BMP2K: variants seen among roughly 807,000 people sequenced by gnomAD.
BMP2K encodes BMP-2-inducible protein kinase.
BMP2K carries 74 observed loss-of-function variants against 116.0 expected under a neutral mutation model. The ratio of observed to expected loss-of-function variants is 0.64; its 90% CI spans 0.53 to 0.77. The LOEUF (loss-of-function observed/expected upper bound fraction) is 0.77, where lower values mean the gene tolerates loss of function less well. BMP2K is among the 30% of genes least tolerant of loss of function. The pLI is 0.00. For missense variants in BMP2K, 1,365 were observed against 1,403.6 expected (o/e 0.97, Z 0.44); for synonymous variants, 486 against 502.5 (o/e 0.97, Z 0.44).
chr4:78,862,331 G>C (rs944616530), intron 9 of BMP2K, among the ~76,000 whole-genome samples: 1 of 152,072 alleles, frequency 6.6e-6, no homozygotes, highest in Non-Finnish European at 1.5e-5. Context: ...TGAGAGTGTG[G>C]AGGAGGGGAA....
At chr4:78,806,003 A>AT (rs552816332) in intron 1 of BMP2K, among the ~76,000 whole-genome samples, 46 of 150,614 alleles carry the variant, frequency 3.1e-4, no homozygotes, top group South Asian at 8.5e-4. Flanking sequence ...ATTGCTTTAA[A>AT]TTTTTTTTTT....
intron 15 of BMP2K, among the ~76,000 whole-genome samples, chr4:78,888,750 A>G (rs981438145): frequency 2.0e-5 from 3 of 152,140 alleles, no homozygotes; most frequent in African/African-American, 7.2e-5. Context: ...TACTATGGGT[A>G]TTTATATTAG....
chr4:78,815,421 TTTCTC>T (rs1172919066), intron 1 of BMP2K, among the ~76,000 whole-genome samples: 18 of 152,142 alleles, frequency 1.2e-4, no homozygotes, highest in African/African-American at 4.1e-4. Flanking sequence ...AAAGAGGTAA[TTTCTC>T]TTCAGGAAGA....
chr4:78,852,362 T>C (rs1364804676), intron 7 of BMP2K, among the ~76,000 whole-genome samples: 1 of 152,162 alleles, frequency 6.6e-6, no homozygotes, highest in Non-Finnish European at 1.5e-5. Flanking sequence ...ATTATGTCTT[T>C]GAACTTATTT....
chr4:78,896,264 T>C (rs988950030), intron 15 of BMP2K, among the ~76,000 whole-genome samples: 2 of 152,238 alleles, frequency 1.3e-5, no homozygotes, highest in African/African-American at 4.8e-5. Context: ...GGCAGTTTTT[T>C]ATACAAATGC....
rs565842683 is a variant in BMP2K, at chr4:78,806,078, T to A, written c.179-19959T>A. ...GAGAACATGAGCTCCTACAAATTGC[T>A]TTTTAACTAATTATCTTATATCCTG... On this transcript the variant is annotated intron_variant, in intron 1 of 15. Coordinates refer to ENST00000502613, the MANE Select transcript of BMP2K (RefSeq NM_198892.2). Among the ~76,000 whole-genome samples, 5 of 152,290 alleles carry A rather than the reference T, an allele frequency of 3.3e-5. No homozygotes were observed. The East Asian group carries it at 9.6e-4, about 29-fold the overall frequency.
intron 12 of BMP2K, chr4:78,872,387 G>T: frequency 4.6e-6 from 1 of 215,906 alleles, no homozygotes; most frequent in Non-Finnish European, 8.6e-6. Flanking sequence ...ATACTTAAAA[G>T]AGGATTTTTG....
chr4:78,850,153 TA>T (rs577616457), intron 6 of BMP2K, among the ~76,000 whole-genome samples: 3 of 151,140 alleles, frequency 2.0e-5, no homozygotes, highest in African/African-American at 4.8e-5. Context: ...AAAAATCACT[TA>T]AAAAAAAATC....
At chr4:78,789,219 A>C (rs1386163981) in intron 1 of BMP2K, among the ~76,000 whole-genome samples, 1 of 152,218 alleles carries the variant, frequency 6.6e-6, no homozygotes, top group Admixed American at 6.5e-5. Context: ...AACCATGAGA[A>C]AATGGAGTAA....
At chr4:78,892,065 T>G (rs1249428323) in intron 15 of BMP2K, among the ~76,000 whole-genome samples, 1 of 152,228 alleles carries the variant, frequency 6.6e-6, no homozygotes, top group Non-Finnish European at 1.5e-5. Flanking sequence ...TTTCTTTCCT[T>G]GTAATCTGTC....
intron 1 of BMP2K, among the ~76,000 whole-genome samples, chr4:78,815,011 T>A (rs538023319): frequency 6.6e-6 from 1 of 152,132 alleles, no homozygotes; most frequent in Non-Finnish European, 1.5e-5. Flanking sequence ...ACTCCAACTT[T>A]AAGAGCAATG....
intron 15 of BMP2K, among the ~76,000 whole-genome samples, chr4:78,904,107 A>G (rs1734161400): frequency 1.3e-5 from 2 of 151,994 alleles, no homozygotes; most frequent in East Asian, 3.8e-4. Flanking sequence ...GTGCAAAGAG[A>G]TAAGAGAAAG....
intron 3 of BMP2K, among the ~76,000 whole-genome samples, chr4:78,840,791 A>C (rs911846689): frequency 1.3e-5 from 2 of 152,294 alleles, no homozygotes; most frequent in Non-Finnish European, 2.9e-5. Flanking sequence ...GTCTCTGGAC[A>C]GAAGAAAGGG....
chr4:78,830,460 G>A (rs57429247), intron 2 of BMP2K, among the ~76,000 whole-genome samples: 9,630 of 152,224 alleles, frequency 0.063, 417 homozygotes, highest in East Asian at 0.22. Flanking sequence ...GTCACCAGTA[G>A]CATTTGCCCT....
At chr4:78,792,259 GT>G (rs1728039147) in intron 1 of BMP2K, among the ~76,000 whole-genome samples, 1 of 152,196 alleles carries the variant, frequency 6.6e-6, no homozygotes, top group Non-Finnish European at 1.5e-5. Context: ...ATCTTTTCAT[GT>G]GTTTATTGGC....
chr4:78,908,793 A>G (rs560925853), intron 15 of BMP2K, among the ~76,000 whole-genome samples: 3 of 152,334 alleles, frequency 2.0e-5, no homozygotes, highest in Admixed American at 2.0e-4. Flanking sequence ...TAGTAGGTAT[A>G]TACATTTATG....
chr4:78,910,159 C>T lies in BMP2K; in HGVS notation c.2063-451C>T, dbSNP rs191831821. Among the ~76,000 whole-genome samples the T allele has an allele frequency of 5.3e-5, 8 of 152,228 alleles. 1 individual carries two copies. Among genetic ancestry groups the T allele is most frequent in the Admixed American group, 2.6e-4 (4 of 15,296 alleles). ...ATTTAAAAAAATAGTGAAACAAATA[C>T]GTAACTGAGCAGGCAGGCTGTTCAT... On this transcript the variant is annotated intron_variant, in intron 15 of 15. Transcript: ENST00000502613.
At chr4:78,835,972 G>A (rs1730457484) in intron 3 of BMP2K, among the ~76,000 whole-genome samples, 1 of 148,282 alleles carries the variant, frequency 6.7e-6, no homozygotes, top group Admixed American at 6.6e-5. Flanking sequence ...TCAGGTTTTG[G>A]ACCAAATCAG....
chr4:78,910,595 T>C lies in BMP2K; in HGVS notation c.2063-15T>C. ...TGCATTGGAATGCTGTAATAATATT[T>C]ATTTGAACTTGCAGGTTCTCCTGAA... On this transcript the variant is annotated splice_polypyrimidine_tract_variant and intron_variant, in intron 15 of 15. Coordinates refer to ENST00000502613, the MANE Select transcript of BMP2K (RefSeq NM_198892.2). 1 of 1,492,506 alleles carries C rather than the reference T, an allele frequency of 6.7e-7. No individual in the cohort carries two copies. Among genetic ancestry groups the C allele is most frequent in the Non-Finnish European group, 8.9e-7 (1 of 1,119,178 alleles). The allele number at this position is 1,492,506 out of a possible 1,614,324, so 92.5% of individuals were successfully genotyped here. A position where few individuals can be genotyped will look rare whatever the true frequency, so the allele number is the denominator to read the frequency against.
Sources: gnomAD v4.1 joint callset for allele counts (sites outside exome capture counted in the v4.1 genomes callset) on GRCh38, gnomAD v4.1.1 for gene constraint, MANE v1.5 for transcripts, NCBI Gene and HGNC (gene_info 2026-07-23, HGNC 2026-07-21) for gene names.